The following LRRFIP1 variants were observed in gnomAD, a reference collection of about 807,000 sequenced individuals.
LRRFIP1 encodes LRR binding FLII interacting protein 1.
A neutral mutation model predicts 104.4 loss-of-function variants in LRRFIP1; 62 were observed. The observed-to-expected ratio is 0.59, with a 90% CI of 0.48 to 0.73. LRRFIP1 has a LOEUF of 0.73. LRRFIP1 is among the 30% of genes least tolerant of loss of function. The probability of loss-of-function intolerance (pLI) is 0.00; values close to 1 mark genes in which losing one functional copy is unlikely to be tolerated. For synonymous variants in LRRFIP1, 300 were observed against 299.0 expected, an observed-to-expected ratio of 1.00 and a Z score of -0.03; for missense variants, 796 against 824.5, an observed-to-expected ratio of 0.97 and a Z score of 0.42.
intron 15 of LRRFIP1, among the ~76,000 whole-genome samples, chr2:237,754,737 A>G (rs2059067880): frequency 6.6e-6 from 1 of 152,182 alleles, no homozygotes; most frequent in African/African-American, 2.4e-5. Context: ...GCAAGAGGGG[A>G]GCTTTTCACA....
rs76608274 is a variant in LRRFIP1 at position 237,770,984 on chromosome 2, C to G, written c.1509+992C>G. 3.8e-3 allele frequency among the ~76,000 whole-genome samples: 571 copies of G among 152,248 alleles called. 4 individuals are homozygous for G. Among genetic ancestry groups the G allele is most frequent in the African/African-American group, 0.013 (546 of 41,530 alleles). ...AAGCACTAAATATGGTAGGAAGATT[C>G]TCTTGAAGTTCCTGTGATCTTTTGA... On this transcript the variant is annotated intron_variant, in intron 20 of 23. Transcript: ENST00000308482.
intron 19 of LRRFIP1, chr2:237,764,995 C>G: frequency 5.1e-6 from 5 of 982,244 alleles, no homozygotes; most frequent in Non-Finnish European, 6.0e-6. Flanking sequence ...GGCGTGGTGG[C>G]TCATGCCTGT....
chr2:237,637,414 GCCAAGATCACA>G (rs1227414467), intron 1 of LRRFIP1, among the ~76,000 whole-genome samples: 1 of 152,194 alleles, frequency 6.6e-6, no homozygotes, highest in African/African-American at 2.4e-5. Flanking sequence ...GTTGCAGTGA[GCCAAGATCACA>G]CCACTGCACG....
chr2:237,689,335 G>A (rs553517438), intron 1 of LRRFIP1, among the ~76,000 whole-genome samples: 5 of 152,182 alleles, frequency 3.3e-5, no homozygotes, highest in Non-Finnish European at 4.4e-5. Flanking sequence ...CTTGAGCTGG[G>A]GATGGTTCTG....
At chr2:237,678,268 C>T (rs1030978262) in intron 1 of LRRFIP1, among the ~76,000 whole-genome samples, 3 of 152,180 alleles carry the variant, frequency 2.0e-5, no homozygotes, top group Non-Finnish European at 4.4e-5. Context: ...CCTACTAGAG[C>T]CACGGGATGT....
intron 1 of LRRFIP1, among the ~76,000 whole-genome samples, chr2:237,651,045 CTA>C (rs1176728712): frequency 6.6e-6 from 1 of 152,102 alleles, no homozygotes; most frequent in Non-Finnish European, 1.5e-5. Flanking sequence ...AAGGTATAGA[CTA>C]AAATTAATTT....
chr2:237,708,430 C>A, intron 1 of LRRFIP1, 114 bp from the exon 2 acceptor site: 1 of 707,436 alleles, frequency 1.4e-6, no homozygotes, highest in Non-Finnish European at 2.4e-6. Context: ...GAATTTATTG[C>A]TGTATATCTG....
intron 19 of LRRFIP1, among the ~76,000 whole-genome samples, chr2:237,761,278 C>A (rs753456570): frequency 6.6e-6 from 1 of 152,300 alleles, no homozygotes; most frequent in East Asian, 1.9e-4. Context: ...CTAATCCCAG[C>A]GCTGCGGGTG....
chr2:237,701,606 G>A (rs2093533758), intron 1 of LRRFIP1, among the ~76,000 whole-genome samples: 1 of 152,318 alleles, frequency 6.6e-6, no homozygotes, highest in East Asian at 1.9e-4. Flanking sequence ...TTATCTTTGG[G>A]TGACTGTCTT....
intron 22 of LRRFIP1, chr2:237,773,996 A>G (rs1419781459): frequency 5.1e-6 from 1 of 197,324 alleles, no homozygotes; most frequent in Admixed American, 5.4e-5. Context: ...GAGAGATTAG[A>G]CTGGAGCTGA....
chr2:237,659,407 G>A (rs917800774), intron 1 of LRRFIP1, among the ~76,000 whole-genome samples: 2 of 151,832 alleles, frequency 1.3e-5, no homozygotes, highest in East Asian at 1.9e-4. Flanking sequence ...AAAAGGATAT[G>A]TTATTAAAGA....
chr2:237,687,104 C>G (rs1370582780), intron 1 of LRRFIP1, among the ~76,000 whole-genome samples: 1 of 152,230 alleles, frequency 6.6e-6, no homozygotes, highest in Admixed American at 6.5e-5. Context: ...CTGGTGCATT[C>G]CATCATGATG....
At chr2:237,718,801 A>G (rs1244789957) in intron 4 of LRRFIP1, among the ~76,000 whole-genome samples, 1 of 152,230 alleles carries the variant, frequency 6.6e-6, no homozygotes, top group Non-Finnish European at 1.5e-5. Context: ...CAGAGCACAC[A>G]CTTACTGTAT....
Position 237,739,237 on chromosome 2 carries a change from G to A in LRRFIP1, c.561G>A (p.Ser187=), listed in dbSNP as rs373884915. ...GGCGGTGGCTGTGTGGGCAGCCCTC[G>A]GAGTACAGCGGCCACCTCAACTCCA... ...RGSTSGSRAP[S]EYSGHLNSSS... The change falls in exon 11 of 24, where the codon TCG becomes TCA. Residue 187 remains serine, a synonymous_variant. Coordinates refer to ENST00000308482, the MANE Select transcript of LRRFIP1 (RefSeq NM_001137550.2). The A allele has an allele frequency of 7.7e-6, 12 of 1,559,660 alleles. No homozygotes were observed. The Admixed American group carries it at 9.5e-5, about 12-fold the overall frequency.
At chr2:237,651,753 C>G (rs1040540272) in intron 1 of LRRFIP1, among the ~76,000 whole-genome samples, 6 of 152,156 alleles carry the variant, frequency 3.9e-5, no homozygotes, top group Non-Finnish European at 7.4e-5. Context: ...TGCATAAAAT[C>G]TATTTTAATA....
At position 237,763,244 on chromosome 2, in the gene LRRFIP1, G is replaced by A. The variant is rs757805420; in HGVS notation, c.1459+3039G>A. The A allele has an allele frequency of 9.3e-6, 15 of 1,614,052 alleles. No homozygotes were observed. Among genetic ancestry groups the A allele is most frequent in the South Asian group, 3.3e-5 (3 of 91,082 alleles). On this transcript the variant is annotated intron_variant, in intron 19 of 23. Transcript: ENST00000308482. ...GGGTGAAGAAACAGGATTAAGGGAC[G>A]AGAAACCAATCAAGACAGAAGTTCC...
intron 1 of LRRFIP1, among the ~76,000 whole-genome samples, chr2:237,701,141 A>G (rs2093498457): frequency 6.6e-6 from 1 of 152,186 alleles, no homozygotes; most frequent in Non-Finnish European, 1.5e-5. Context: ...GGGCTTTTGA[A>G]GCAAGCTGCC....
chr2:237,692,085 C>A (rs976971277), intron 1 of LRRFIP1: 3 of 522,030 alleles, frequency 5.7e-6, no homozygotes, highest in Non-Finnish European at 6.6e-6. Context: ...GGCGGTGGGG[C>A]GAGTCATGGG....
At chr2:237,768,989 C>T (rs916929640) in intron 19 of LRRFIP1, 4 of 152,198 alleles carry the variant, frequency 2.6e-5, no homozygotes, top group African/African-American at 9.7e-5. Context: ...GGGGAGTGTT[C>T]CCGTGGCTGG....
Sources: allele counts gnomAD v4.1 joint callset (sites outside exome capture counted in the v4.1 genomes callset), GRCh38; gene constraint gnomAD v4.1.1; transcripts MANE v1.5; gene names NCBI Gene and HGNC (gene_info 2026-07-23, HGNC 2026-07-21).